Variants in IRF2 observed in about 807,000 individuals in gnomAD.
IRF2 encodes the protein interferon regulatory factor 2.
IRF2 carries 15 observed loss-of-function variants against 40.6 expected under a neutral mutation model. The ratio of observed to expected loss-of-function variants is 0.37; its 90% CI spans 0.25 to 0.57. The LOEUF (loss-of-function observed/expected upper bound fraction) is 0.57. Ranked by LOEUF, IRF2 falls within the 20% of genes least tolerant of loss-of-function variation. The pLI is 0.77. For synonymous variants in IRF2, 151 were observed against 165.5 expected (o/e 0.91, Z 0.67); for missense variants, 317 against 455.7 (o/e 0.70, Z 2.77).
At chr4:184,399,317 C>T (rs72701789) in intron 6 of IRF2, among the ~76,000 whole-genome samples, 4,358 of 152,278 alleles carry the variant, frequency 0.029, 79 homozygotes, top group Non-Finnish European at 0.042. Flanking sequence ...GCCAATGGCA[C>T]GCACGGTGGC....
chr4:184,445,633 C>T (rs1294600924), intron 1 of IRF2, among the ~76,000 whole-genome samples: 2 of 140,716 alleles, frequency 1.4e-5, no homozygotes, highest in African/African-American at 5.1e-5. Context: ...CCAACCTGGG[C>T]GACAGAGTGA....
intron 1 of IRF2, among the ~76,000 whole-genome samples, chr4:184,433,026 A>G (rs1268284269): frequency 6.6e-6 from 1 of 152,250 alleles, no homozygotes; most frequent in African/African-American, 2.4e-5. Flanking sequence ...CCCTGTGGAC[A>G]GCAGTCAGTG....
At chr4:184,410,068 T>A (rs937450308) in intron 5 of IRF2, among the ~76,000 whole-genome samples, 93 of 152,106 alleles carry the variant, frequency 6.1e-4, no homozygotes, top group African/African-American at 2.1e-3. Context: ...TGGGCCCCCA[T>A]TAGTTCCTGT....
chr4:184,463,976 G>T (rs1739232462), intron 1 of IRF2, among the ~76,000 whole-genome samples: 2 of 151,900 alleles, frequency 1.3e-5, no homozygotes, highest in South Asian at 4.2e-4. Context: ...GAAATGAATA[G>T]AATATAAAGG....
At chr4:184,456,394 A>G (rs998509410) in intron 1 of IRF2, among the ~76,000 whole-genome samples, 2 of 152,200 alleles carry the variant, frequency 1.3e-5, no homozygotes, top group African/African-American at 4.8e-5. Flanking sequence ...AAGAACAACG[A>G]CAAGGGCAAG....
chr4:184,421,075 C>A (rs960668039), intron 2 of IRF2, among the ~76,000 whole-genome samples: 1 of 152,162 alleles, frequency 6.6e-6, no homozygotes. Flanking sequence ...GCTAGGTATG[C>A]GGATCCCTGC....
chr4:184,420,289 TA>T (rs1383981323), intron 2 of IRF2, among the ~76,000 whole-genome samples: 3 of 152,200 alleles, frequency 2.0e-5, no homozygotes, highest in Admixed American at 1.3e-4. Flanking sequence ...TTAGGTAAAT[TA>T]AAAATTAGAC....
chr4:184,415,782 C>T (rs1737245488), intron 5 of IRF2, among the ~76,000 whole-genome samples: 1 of 152,164 alleles, frequency 6.6e-6, no homozygotes, highest in African/African-American at 2.4e-5. Flanking sequence ...ATGGAAAACC[C>T]CTCACTCCCA....
intron 1 of IRF2, among the ~76,000 whole-genome samples, chr4:184,445,162 C>T (rs942548254): frequency 6.6e-6 from 1 of 152,322 alleles, no homozygotes; most frequent in Non-Finnish European, 1.5e-5. Flanking sequence ...CACCAAGAGA[C>T]AGTTGTTTGA....
At chr4:184,390,847 C>A in intron 7 of IRF2, 98 bp from the exon 8 acceptor site, 1 of 1,158,498 alleles carries the variant, frequency 8.6e-7, no homozygotes, top group Non-Finnish European at 1.3e-6. Flanking sequence ...AGTAACTAAA[C>A]GCATCACCTC....
intron 1 of IRF2, among the ~76,000 whole-genome samples, chr4:184,434,628 G>A (rs773312404): frequency 4.6e-5 from 7 of 152,182 alleles, no homozygotes; most frequent in African/African-American, 1.2e-4. Flanking sequence ...TCAAAACTGT[G>A]GCATCTGGCC....
intron 1 of IRF2, among the ~76,000 whole-genome samples, chr4:184,452,845 AT>A (rs1449385598): frequency 6.6e-6 from 1 of 151,726 alleles, no homozygotes; most frequent in African/African-American, 2.4e-5. Flanking sequence ...GCAAATAAAC[AT>A]GTAAAATATC....
rs1739635882 is a variant in IRF2, at chr4:184,474,092, TCCTC to T, written c.-7+283_-7+286del. 6.5e-6 allele frequency: 1 copy of T among 153,672 alleles called. No homozygotes were observed. Among genetic ancestry groups the T allele is most frequent in the South Asian group, 2.0e-4 (1 of 5,046 alleles). The allele number at this position is 153,672 out of a possible 1,614,324, so 9.5% of individuals were successfully genotyped here. Reference sequence around the variant, plus strand: ...TAAACCTCCACCAACCTCCTCCTCCTCCTCCCTCTCTACCTCCTCCTCCTCCTCC... The same window carrying T: ...TAAACCTCCACCAACCTCCTCCTCCTCCTCTCTACCTCCTCCTCCTCCTCC... On this transcript the variant is annotated intron_variant, in intron 1 of 8. Coordinates refer to ENST00000393593, the MANE Select transcript of IRF2 (RefSeq NM_002199.4). This position sits in a 1 kb window ranked among gnomAD's most constrained non-coding sequence, Gnocchi z 5.6.
chr4:184,419,929 G>A (rs763667030), intron 2 of IRF2, among the ~76,000 whole-genome samples: 12 of 152,148 alleles, frequency 7.9e-5, no homozygotes, highest in Admixed American at 5.2e-4. Flanking sequence ...GTGTAGTGGC[G>A]CGATATCGGC....
At chr4:184,419,057 G>C (rs1229948387) in intron 3 of IRF2, among the ~76,000 whole-genome samples, 4 of 152,226 alleles carry the variant, frequency 2.6e-5, no homozygotes, top group Non-Finnish European at 5.9e-5. Context: ...GGGAAGCTGA[G>C]TGCCTCTTTT....
intron 1 of IRF2, among the ~76,000 whole-genome samples, chr4:184,472,846 C>G (rs1739561913): frequency 6.6e-6 from 1 of 152,198 alleles, no homozygotes; most frequent in African/African-American, 2.4e-5. Context: ...TCACCTGGTG[C>G]CCGACCACGG....
intron 1 of IRF2, among the ~76,000 whole-genome samples, chr4:184,447,909 A>G (rs9685961): frequency 4.9e-4 from 74 of 152,354 alleles, no homozygotes; most frequent in African/African-American, 1.8e-3. Context: ...TGACTGAGAC[A>G]TTCCAACAGG....
intron 1 of IRF2, among the ~76,000 whole-genome samples, chr4:184,460,276 GGTC>G (rs1739087355): frequency 6.6e-6 from 1 of 152,160 alleles, no homozygotes; most frequent in Non-Finnish European, 1.5e-5. Context: ...CATCTCGAGT[GGTC>G]AGATTCACAG....
At chr4:184,418,033 T>C in intron 5 of IRF2, 134 bp downstream of exon 5, 1 of 736,502 alleles carries the variant, frequency 1.4e-6, no homozygotes, top group South Asian at 1.6e-5. Flanking sequence ...AGAGCAAACA[T>C]GTAAAGCACA....
Sources: gnomAD v4.1 joint callset for allele counts (sites outside exome capture counted in the v4.1 genomes callset) on GRCh38, gnomAD v4.1.1 for gene constraint, Gnocchi (gnomAD v3.1) non-coding constraint, MANE v1.5 for transcripts, NCBI Gene and HGNC (gene_info 2026-07-23, HGNC 2026-07-21) for gene names.